Variants in TACR3 observed in about 807,000 individuals in gnomAD.
The protein encoded by TACR3 is neuromedin-K receptor.
TACR3 carries 34 observed loss-of-function variants against 35.0 expected under a neutral mutation model. That is an observed-to-expected ratio of 0.97 (90% CI 0.74 to 1.30). The LOEUF (loss-of-function observed/expected upper bound fraction) is 1.30, where lower values mean the gene tolerates loss of function less well. Ranked by LOEUF, TACR3 falls within the 50% of genes most tolerant of loss-of-function variation. TACR3 has a pLI of 0.00. For synonymous variants in TACR3, 233 were observed against 221.1 expected, an observed-to-expected ratio of 1.05 and a Z score of -0.48; for missense variants, 558 against 591.7, an observed-to-expected ratio of 0.94 and a Z score of 0.59.
intron 3 of TACR3, among the ~76,000 whole-genome samples, chr4:103,639,498 G>T (rs528757945): frequency 2.4e-4 from 37 of 151,940 alleles, no homozygotes; most frequent in Admixed American, 1.6e-3. Context: ...GCTAAATGAC[G>T]AGTTAATGGG....
intron 1 of TACR3, among the ~76,000 whole-genome samples, chr4:103,712,112 A>G (rs560687962): frequency 2.6e-5 from 4 of 152,174 alleles, no homozygotes; most frequent in African/African-American, 4.8e-5. Flanking sequence ...TCAAGCTACC[A>G]ATGACTTTCT....
intron 3 of TACR3, among the ~76,000 whole-genome samples, chr4:103,640,159 G>A (rs761443329): frequency 2.0e-5 from 3 of 152,000 alleles, no homozygotes; most frequent in Non-Finnish European, 4.4e-5. Flanking sequence ...ATATCAAGAT[G>A]TAGTAGACCA....
chr4:103,654,132 A>AT (rs1725680868), intron 3 of TACR3, among the ~76,000 whole-genome samples: 1 of 151,332 alleles, frequency 6.6e-6, no homozygotes, highest in Non-Finnish European at 1.5e-5. Context: ...TGTGGAAGTC[A>AT]GTGTGGCGAT....
chr4:103,662,218 T>G (rs4624657), intron 1 of TACR3, among the ~76,000 whole-genome samples: 62,032 of 108,650 alleles, frequency 0.57, 14,679 homozygotes, highest in African/African-American at 0.6. Context: ...GTTGATGGTG[T>G]TTTTTTTTTT....
chr4:103,647,573 G>A (rs1298862609), intron 3 of TACR3, among the ~76,000 whole-genome samples: 1 of 151,754 alleles, frequency 6.6e-6, no homozygotes, highest in Non-Finnish European at 1.5e-5. Flanking sequence ...AATTATCATT[G>A]AAAAAAATGA....
chr4:103,695,501 C>T (rs919387695), intron 1 of TACR3, among the ~76,000 whole-genome samples: 3 of 152,072 alleles, frequency 2.0e-5, no homozygotes, highest in African/African-American at 7.2e-5. Flanking sequence ...TTTTCTCTAG[C>T]TTACTTTATC....
At position 103,709,429 on chromosome 4, in the gene TACR3, T is replaced by C. The variant is rs531356350; in HGVS notation, c.548+9699A>G. ...CTAAGCTTCATAAGTGAAGGAGAAA[T>C]AAAATCCTTTACAGACAAGCAAATG... is the stretch of plus-strand genomic sequence containing the variant. On this transcript the variant is annotated intron_variant, in intron 1 of 4. Transcript: ENST00000304883. Among the ~76,000 whole-genome samples, 570 of 152,204 alleles carry C rather than the reference T, an allele frequency of 3.7e-3. 6 individuals are homozygous for C. Among genetic ancestry groups the C allele is most frequent in the Admixed American group, 6.0e-3 (92 of 15,294 alleles).
intron 3 of TACR3, among the ~76,000 whole-genome samples, chr4:103,614,886 T>G (rs1021998650): frequency 9.7e-5 from 8 of 82,778 alleles, no homozygotes; most frequent in African/African-American, 1.8e-4. Context: ...ATGAATGTGT[T>G]TTTTTTTTTT....
chr4:103,591,465 C>T (rs1024180253), intron 4 of TACR3, 22 bp downstream of exon 4: 2 of 1,613,038 alleles, frequency 1.2e-6, no homozygotes, highest in Non-Finnish European at 1.7e-6. Flanking sequence ...AAGCAACTTG[C>T]ATTTCGTAGT....
chr4:103,611,822 C>A (rs946889032), intron 3 of TACR3, among the ~76,000 whole-genome samples: 1 of 152,128 alleles, frequency 6.6e-6, no homozygotes, highest in Non-Finnish European at 1.5e-5. Flanking sequence ...GAGACAGACA[C>A]TTATAAGTCA....
intron 1 of TACR3, among the ~76,000 whole-genome samples, chr4:103,696,700 C>G (rs1398038387): frequency 6.6e-6 from 1 of 152,120 alleles, no homozygotes; most frequent in African/African-American, 2.4e-5. Context: ...CCACTTTCTT[C>G]CTTTAGGTTG....
intron 3 of TACR3, among the ~76,000 whole-genome samples, chr4:103,626,390 TC>T (rs1426225667): frequency 6.6e-6 from 1 of 152,110 alleles, no homozygotes; most frequent in Non-Finnish European, 1.5e-5. Flanking sequence ...AAAAAGCCTG[TC>T]CTTTATGTGG....
chr4:103,607,988 G>C (rs1368457134), intron 3 of TACR3, among the ~76,000 whole-genome samples: 1 of 152,120 alleles, frequency 6.6e-6, no homozygotes, highest in Non-Finnish European at 1.5e-5. Context: ...CTGAACCAGA[G>C]TACCTGTGGT....
At chr4:103,627,388 G>T (rs1332073906) in intron 3 of TACR3, among the ~76,000 whole-genome samples, 3 of 147,792 alleles carry the variant, frequency 2.0e-5, no homozygotes, top group African/African-American at 7.5e-5. Context: ...GCTGGGCATG[G>T]TGGTGTGCAC....
At chr4:103,709,296 A>T (rs1230552809) in intron 1 of TACR3, among the ~76,000 whole-genome samples, 1 of 152,222 alleles carries the variant, frequency 6.6e-6, no homozygotes, top group Non-Finnish European at 1.5e-5. Context: ...CATCAGACTA[A>T]CAGCGGATCT....
intron 1 of TACR3, among the ~76,000 whole-genome samples, chr4:103,690,914 T>A (rs1458274669): frequency 6.6e-6 from 1 of 152,146 alleles, no homozygotes; most frequent in Non-Finnish European, 1.5e-5. Flanking sequence ...AAAAATTATG[T>A]CACACGCAAT....
intron 1 of TACR3, among the ~76,000 whole-genome samples, chr4:103,662,332 T>G (rs899918205): frequency 1.3e-5 from 2 of 152,034 alleles, no homozygotes; most frequent in African/African-American, 4.8e-5. Context: ...GCAATTCTCT[T>G]GTCTCAGCCT....
chr4:103,588,042 A>G lies in TACR3; in HGVS notation c.*1640T>C, dbSNP rs1211586156. On this transcript the variant is annotated 3_prime_UTR_variant, in exon 5 of 5. Coordinates refer to ENST00000304883, the MANE Select transcript of TACR3 (RefSeq NM_001059.3). ...TATCATCAGAAGAAATTCAGCTGGA[A>G]CACATATGTTTAGCTTGTTTAGACT... is the stretch of plus-strand genomic sequence containing the variant. 2 of 151,764 alleles carry G rather than the reference A, an allele frequency of 1.3e-5. No homozygotes were observed. The highest frequency in any genetic ancestry group is 4.8e-5 in the African/African-American group (2 of 41,336). The allele number at this position is 151,764 out of a possible 1,614,324, so 9.4% of individuals were successfully genotyped here. A position where few individuals can be genotyped will look rare whatever the true frequency, so the allele number is the denominator to read the frequency against.
At position 103,589,043 on chromosome 4, in the gene TACR3, AAT is replaced by A. The variant is rs1389669117; in HGVS notation, c.*637_*638del. The A allele has an allele frequency of 6.6e-6, 1 of 152,156 alleles. No individual in the cohort carries two copies. The highest frequency in any genetic ancestry group is 1.5e-5 in the Non-Finnish European group (1 of 68,016). 9.4% of individuals were successfully genotyped at this position (152,156 alleles called of 1,614,324 possible). ...CTCAGAAAAAAAATCAAGAGAATGA[AAT>A]ATACATTTGCCTAATGATTTAACTA... On this transcript the variant is annotated 3_prime_UTR_variant, in exon 5 of 5. Coordinates refer to ENST00000304883, the MANE Select transcript of TACR3 (RefSeq NM_001059.3).
Sources: allele counts gnomAD v4.1 joint callset (sites outside exome capture counted in the v4.1 genomes callset), GRCh38; gene constraint gnomAD v4.1.1; transcripts MANE v1.5; gene names NCBI Gene and HGNC (gene_info 2026-07-23, HGNC 2026-07-21).